PCM1: variants seen among roughly 807,000 people sequenced by gnomAD.
PCM1 encodes pericentriolar material 1 protein.
In PCM1, 157 loss-of-function variants were observed where a neutral mutation model predicts 241.9. The observed-to-expected ratio is 0.65, with a 90% CI of 0.57 to 0.74. The LOEUF (loss-of-function observed/expected upper bound fraction) is 0.74. Ranked by LOEUF, PCM1 falls within the 30% of genes least tolerant of loss-of-function variation. The pLI, the probability that PCM1 is intolerant of heterozygous loss-of-function variation, is 0.00. For synonymous variants in PCM1, 1,085 were observed against 784.9 expected (o/e 1.38, Z -6.39); for missense variants, 3,478 against 2,360.1 (o/e 1.47, Z -9.81).
intron 24 of PCM1, among the ~76,000 whole-genome samples, chr8:17,981,238 A>G (rs182939225): frequency 9.5e-4 from 145 of 152,272 alleles, no homozygotes; most frequent in Admixed American, 1.9e-3. Flanking sequence ...TTGTATAGCT[A>G]TCACATTCTT....
At chr8:17,924,556 T>C (rs1783589180) in intron 1 of PCM1, among the ~76,000 whole-genome samples, 157 bp from the exon 2 acceptor site, 1 of 152,228 alleles carries the variant, frequency 6.6e-6, no homozygotes, top group African/African-American at 2.4e-5. Flanking sequence ...TCCAAAAGAA[T>C]TGAGGTAACT....
chr8:17,939,205 G>A (rs1308463088), intron 5 of PCM1, among the ~76,000 whole-genome samples, 196 bp downstream of exon 5: 1 of 152,024 alleles, frequency 6.6e-6, no homozygotes, highest in Admixed American at 6.6e-5. Context: ...TTTTAGAAAT[G>A]GCATATTCAG....
At chr8:18,012,199 G>A (rs2092617349) in intron 34 of PCM1, among the ~76,000 whole-genome samples, 1 of 152,094 alleles carries the variant, frequency 6.6e-6, no homozygotes, top group Non-Finnish European at 1.5e-5. Flanking sequence ...GTTTTTAGTG[G>A]TGTGATTAAA....
chr8:17,968,896 TTTAAG>T (rs1432014153), intron 21 of PCM1, among the ~76,000 whole-genome samples: 21 of 151,916 alleles, frequency 1.4e-4, no homozygotes, highest in Non-Finnish European at 8.8e-5. Context: ...TGAGTAGACT[TTTAAG>T]TAATAAGAAA....
At chr8:17,952,947 T>C in intron 8 of PCM1, 23 bp from the exon 9 acceptor site, 1 of 1,436,808 alleles carries the variant, frequency 7.0e-7, no homozygotes, top group Non-Finnish European at 9.4e-7. Context: ...AATTCTTCTT[T>C]TTTGTTGTTT....
At chr8:17,982,398 T>C (rs537536028) in intron 24 of PCM1, 3 of 152,280 alleles carry the variant, frequency 2.0e-5, no homozygotes, top group Non-Finnish European at 4.4e-5. Flanking sequence ...CTATTACTGT[T>C]ACTTAGTGAA....
chr8:17,928,136 A>G (rs1002738286), intron 2 of PCM1, among the ~76,000 whole-genome samples: 1 of 152,104 alleles, frequency 6.6e-6, no homozygotes, highest in Non-Finnish European at 1.5e-5. Context: ...TACAGTTTCA[A>G]CTTTCTTATC....
At chr8:17,967,218 G>T in intron 21 of PCM1, 48 bp downstream of exon 21, 1 of 1,373,548 alleles carries the variant, frequency 7.3e-7, no homozygotes, top group South Asian at 1.3e-5. Context: ...AAAGTGTTTG[G>T]AACAACGTAA....
rs368017147 is a variant in PCM1, at chr8:17,961,783, C to G, written c.2323-251C>G. Among the ~76,000 whole-genome samples, 5 of 152,180 alleles carry G rather than the reference C, an allele frequency of 3.3e-5. No homozygotes were observed. The South Asian group carries it at 6.2e-4, about 19-fold the overall frequency. On this transcript the variant is annotated intron_variant, in intron 15 of 38. Transcript: ENST00000325083. Reference sequence around the variant, plus strand: ...ATGTTGCAAAGGTGGGTTAAGTATACAAAATTTTCCATTATGTTTTATCCC... The same window carrying G: ...ATGTTGCAAAGGTGGGTTAAGTATAGAAAATTTTCCATTATGTTTTATCCC...
chr8:17,936,408 A>T (rs572331582), intron 3 of PCM1, among the ~76,000 whole-genome samples: 3 of 152,300 alleles, frequency 2.0e-5, no homozygotes, highest in African/African-American at 7.2e-5. Flanking sequence ...TTCCAGTTGG[A>T]TAAAGTGGGA....
At chr8:17,963,048 A>T (rs1034461854) in intron 16 of PCM1, 53 bp from the exon 17 acceptor site, 29 of 1,363,808 alleles carry the variant, frequency 2.1e-5, no homozygotes, top group Non-Finnish European at 3.0e-5. Context: ...TTACTCTTTT[A>T]GGCTACAGCA....
At chr8:17,943,670 C>G (rs2062894762) in intron 6 of PCM1, among the ~76,000 whole-genome samples, 1 of 151,984 alleles carries the variant, frequency 6.6e-6, no homozygotes, top group Non-Finnish European at 1.5e-5. Flanking sequence ...ATTCTTAAGG[C>G]TGTCTCGTTG....
Position 17,940,122 on chromosome 8 carries a change from A to C in PCM1, c.783+261A>C, listed in dbSNP as rs1281176474. 4 of 1,566,566 alleles carry C rather than the reference A, an allele frequency of 2.6e-6. No homozygotes were observed. In the African/African-American group the frequency reaches 5.4e-5, roughly 21 times the overall value. ...GTTCTGTAGCTGAGAGCACATCGCT[A>C]AACATAGATGTGCAGTCTGAGGCTT... On this transcript the variant is annotated intron_variant, in intron 6 of 38. Transcript: ENST00000325083.
chr8:17,959,996 G>T lies in PCM1; in HGVS notation c.2041-18G>T, dbSNP rs1444333311. The T allele has an allele frequency of 1.2e-6, 2 of 1,609,822 alleles. No homozygotes were observed. The highest frequency in any genetic ancestry group is 8.5e-7 in the Non-Finnish European group (1 of 1,177,806). On this transcript the variant is annotated intron_variant, in intron 13 of 38. Transcript: ENST00000325083. ...CTTGAGGTATCAAGATTGTTTTAAT[G>T]TAATGATGCTCTTTCAGGATGATGA...
chr8:18,017,418 G>A (rs1467283785), intron 36 of PCM1, among the ~76,000 whole-genome samples: 1 of 152,198 alleles, frequency 6.6e-6, no homozygotes, highest in Non-Finnish European at 1.5e-5. Context: ...AGTCACCATA[G>A]CTGAACATTT....
At position 17,967,187 on chromosome 8, in the gene PCM1, A is replaced by G. The variant is rs773379630; in HGVS notation, c.3412+17A>G. 6.5e-7 allele frequency: 1 copy of G among 1,539,554 alleles called. No individual in the cohort carries two copies. The highest frequency in any genetic ancestry group is 2.3e-5 in the East Asian group (1 of 42,848). On this transcript the variant is annotated intron_variant, in intron 21 of 38. Coordinates refer to ENST00000325083, the MANE Select transcript of PCM1 (RefSeq NM_006197.4). ...TTGCACCAGGTAGGTGACTTAACCTAAAGAGAAAATAAATAAAAGCAAAGT... is the reference window on the plus strand; with the variant it reads ...TTGCACCAGGTAGGTGACTTAACCTGAAGAGAAAATAAATAAAAGCAAAGT...
intron 23 of PCM1, among the ~76,000 whole-genome samples, chr8:17,976,588 C>A (rs551026137): frequency 6.6e-6 from 1 of 152,346 alleles, no homozygotes; most frequent in East Asian, 1.9e-4. Flanking sequence ...ACAGCTTGCA[C>A]TGTGATTCAG....
At chr8:18,011,435 G>C (rs1458819872) in intron 33 of PCM1, 69 bp downstream of exon 33, 1 of 1,320,614 alleles carries the variant, frequency 7.6e-7, no homozygotes, top group Admixed American at 3.0e-5. Context: ...GAACAGTTTG[G>C]TGGAGTGTAA....
In PCM1 at chr8:18,014,565, G is replaced by A. The variant is rs1224253436; in HGVS notation, c.5585-19G>A. ...ATTTTTTGCATTACACTAATGTTAA[G>A]ACTTTCTTTTGATGACAGATGACCA... is the stretch of plus-strand genomic sequence containing the variant. On this transcript the variant is annotated intron_variant, in intron 35 of 38. Coordinates refer to ENST00000325083, the MANE Select transcript of PCM1 (RefSeq NM_006197.4). 3 of 1,583,016 alleles carry A rather than the reference G, an allele frequency of 1.9e-6. No individual in the cohort carries two copies. Among genetic ancestry groups the A allele is most frequent in the Non-Finnish European group, 2.6e-6 (3 of 1,162,714 alleles).
Sources: allele counts gnomAD v4.1 joint callset (sites outside exome capture counted in the v4.1 genomes callset), GRCh38; gene constraint gnomAD v4.1.1; transcripts MANE v1.5; gene names NCBI Gene and HGNC (gene_info 2026-07-23, HGNC 2026-07-21).